Variants in ADAM22 observed in about 807,000 individuals in gnomAD.
ADAM22 encodes ADAM metallopeptidase domain 22.
Under a neutral mutation model 144.6 loss-of-function variants are expected in ADAM22, and 65 were observed. The ratio of observed to expected loss-of-function variants is 0.45; its 90% confidence interval spans 0.37 to 0.55. ADAM22 has a LOEUF of 0.55. Ranked by LOEUF, ADAM22 falls within the 20% of genes least tolerant of loss-of-function variation. The pLI, the probability that ADAM22 is intolerant of heterozygous loss-of-function variation, is 0.00. For synonymous variants in ADAM22, 391 were observed against 412.6 expected, an observed-to-expected ratio of 0.95 and a Z score of 0.63; for missense variants, 974 against 1,184.9, an observed-to-expected ratio of 0.82 and a Z score of 2.61.
intron 3 of ADAM22, among the ~76,000 whole-genome samples, chr7:87,979,277 T>C (rs1852703230): frequency 6.6e-6 from 1 of 152,194 alleles, no homozygotes; most frequent in East Asian, 1.9e-4. Context: ...TAAAAAGGCA[T>C]GTAAGAGGCA....
chr7:87,967,690 C>G (rs1849446720), intron 2 of ADAM22, among the ~76,000 whole-genome samples: 1 of 151,414 alleles, frequency 6.6e-6, no homozygotes, highest in African/African-American at 2.4e-5. Flanking sequence ...TGCCTGTAAT[C>G]CCAGCTATTC....
chr7:88,017,985 G>C (rs559220511), intron 3 of ADAM22, among the ~76,000 whole-genome samples: 56 of 152,182 alleles, frequency 3.7e-4, no homozygotes, highest in Middle Eastern at 6.8e-3. Context: ...ACTCCCCAAA[G>C]ACTCTGTGAT....
chr7:88,078,796 A>G (rs998724022), intron 4 of ADAM22, among the ~76,000 whole-genome samples: 11 of 152,200 alleles, frequency 7.2e-5, no homozygotes, highest in Non-Finnish European at 1.6e-4. Context: ...AAGTTCAGAG[A>G]AAAAAGAATA....
At chr7:88,124,277 T>C (rs1357109855) in intron 7 of ADAM22, among the ~76,000 whole-genome samples, 1 of 151,996 alleles carries the variant, frequency 6.6e-6, no homozygotes, top group Non-Finnish European at 1.5e-5. Context: ...TTTTACTTCA[T>C]GTATTTTAAA....
intron 2 of ADAM22, among the ~76,000 whole-genome samples, chr7:87,975,733 A>G (rs555452575): frequency 2.0e-5 from 3 of 152,244 alleles, no homozygotes; most frequent in Non-Finnish European, 4.4e-5. Flanking sequence ...TAATCATGAT[A>G]CCAAGGTGAA....
At chr7:88,120,673 A>G (rs1829066348) in intron 7 of ADAM22, among the ~76,000 whole-genome samples, 2 of 152,234 alleles carry the variant, frequency 1.3e-5, no homozygotes, top group South Asian at 4.1e-4. Flanking sequence ...TATTCTAGAT[A>G]GAAGGCCTTT....
At chr7:87,939,571 A>G (rs1368832448) in intron 2 of ADAM22, among the ~76,000 whole-genome samples, 1 of 152,240 alleles carries the variant, frequency 6.6e-6, no homozygotes, top group Non-Finnish European at 1.5e-5. Flanking sequence ...TTTAAGAATC[A>G]TAAGAACTTA....
At chr7:88,128,229 G>A (rs778194240) in intron 8 of ADAM22, among the ~76,000 whole-genome samples, 3 of 152,050 alleles carry the variant, frequency 2.0e-5, no homozygotes, top group Non-Finnish European at 4.4e-5. Flanking sequence ...ATCGCTGGAG[G>A]CAGAAAGGAG....
At chr7:88,173,432 C>T (rs938034515) in intron 26 of ADAM22, among the ~76,000 whole-genome samples, 11 of 151,820 alleles carry the variant, frequency 7.2e-5, no homozygotes, top group Non-Finnish European at 1.6e-4. Context: ...TAGGTTTGTA[C>T]AGTAGGTCTC....
At chr7:88,024,832 G>A (rs1307686596) in intron 3 of ADAM22, among the ~76,000 whole-genome samples, 1 of 151,806 alleles carries the variant, frequency 6.6e-6, no homozygotes, top group Non-Finnish European at 1.5e-5. Flanking sequence ...ATAGTTTGCT[G>A]AGAATGATGG....
intron 3 of ADAM22, among the ~76,000 whole-genome samples, chr7:88,068,561 A>C (rs988135052): frequency 6.6e-6 from 1 of 152,208 alleles, no homozygotes; most frequent in African/African-American, 2.4e-5. Flanking sequence ...GCAGCATAAC[A>C]ATCACTGAAT....
intron 3 of ADAM22, among the ~76,000 whole-genome samples, chr7:88,016,751 G>T (rs1796623324): frequency 6.6e-6 from 1 of 152,142 alleles, no homozygotes; most frequent in Admixed American, 6.6e-5. Flanking sequence ...AAGTAGAGAG[G>T]ATAATTGTGG....
intron 3 of ADAM22, among the ~76,000 whole-genome samples, chr7:87,983,696 T>C (rs1005594153): frequency 6.6e-6 from 1 of 152,068 alleles, no homozygotes; most frequent in Non-Finnish European, 1.5e-5. Context: ...TTGGTGATAA[T>C]AGCATTTTTA....
chr7:88,077,146 A>C (rs1814775663), intron 4 of ADAM22, among the ~76,000 whole-genome samples: 1 of 152,126 alleles, frequency 6.6e-6, no homozygotes, highest in Admixed American at 6.5e-5. Flanking sequence ...TTTTCCCATA[A>C]AGCCTTTGTT....
chr7:87,953,327 T>C (rs1178870055), intron 2 of ADAM22, among the ~76,000 whole-genome samples: 1 of 152,088 alleles, frequency 6.6e-6, no homozygotes, highest in African/African-American at 2.4e-5. Flanking sequence ...GTCCCAGAGA[T>C]TCTGGTATGT....
intron 27 of ADAM22, among the ~76,000 whole-genome samples, chr7:88,179,815 C>T (rs1846541798): frequency 6.6e-6 from 1 of 151,978 alleles, no homozygotes; most frequent in Non-Finnish European, 1.5e-5. Flanking sequence ...GGAAATGAGA[C>T]CTATGTTCAC....
At chr7:88,137,032 C>A (rs1405971372) in intron 14 of ADAM22, among the ~76,000 whole-genome samples, 2 of 152,038 alleles carry the variant, frequency 1.3e-5, no homozygotes, top group African/African-American at 4.8e-5. Context: ...AATTCCCAGC[C>A]CCAGCCAAGG....
intron 21 of ADAM22, among the ~76,000 whole-genome samples, chr7:88,155,176 A>C (rs1839585836): frequency 6.6e-6 from 1 of 152,102 alleles, no homozygotes; most frequent in Non-Finnish European, 1.5e-5. Context: ...CAGGTTGAAA[A>C]AAACATCTGT....
chr7:88,176,212 A>G (rs113662788), intron 26 of ADAM22, among the ~76,000 whole-genome samples: 19 of 152,236 alleles, frequency 1.2e-4, no homozygotes, highest in African/African-American at 4.1e-4. Flanking sequence ...TGACCTCGTG[A>G]TCCGCCCACC....
Sources: gnomAD v4.1 joint callset for allele counts (sites outside exome capture counted in the v4.1 genomes callset) on GRCh38, gnomAD v4.1.1 for gene constraint, MANE v1.5 for transcripts, NCBI Gene and HGNC (gene_info 2026-07-23, HGNC 2026-07-21) for gene names.